Variants in STK3 observed in about 807,000 individuals in gnomAD.
STK3 encodes the protein serine/threonine kinase 3.
In STK3, 41 loss-of-function variants were observed where a neutral mutation model predicts 58.0. That is an observed-to-expected ratio of 0.71 (90% CI 0.55 to 0.92). The LOEUF is 0.92. STK3 is among the 40% of genes least tolerant of loss of function. The pLI is 0.00. For missense variants in STK3, 479 were observed against 602.7 expected (o/e 0.79, Z 2.15); for synonymous variants, 170 against 191.0 (o/e 0.89, Z 0.91).
At chr8:98,838,074 CAAAAAA>C (rs58973724) in intron 3 of STK3, among the ~76,000 whole-genome samples, 17 of 58,774 alleles carry the variant, frequency 2.9e-4, no homozygotes, top group Non-Finnish European at 4.7e-4. Flanking sequence ...ACTAAAAATA[CAAAAAA>C]AAAAAAAAAA....
rs979509772 is a variant in STK3 at position 98,723,959 on chromosome 8, T to C, written c.352-16648A>G. Among the ~76,000 whole-genome samples the C allele has an allele frequency of 1.2e-4, 19 of 152,304 alleles. No individual in the cohort carries two copies. The East Asian group carries it at 1.9e-3, about 15-fold the overall frequency. On this transcript the variant is annotated intron_variant, in intron 4 of 10. Transcript: ENST00000419617. ...TGATAACAATAACAGCTTGCATTTA[T>C]TGAGTTCTTACTAGTCAGCCACTCC... is the stretch of plus-strand genomic sequence containing the variant.
At chr8:98,747,369 A>T (rs1488190619) in intron 4 of STK3, among the ~76,000 whole-genome samples, 4 of 152,176 alleles carry the variant, frequency 2.6e-5, no homozygotes, top group Admixed American at 1.3e-4. Context: ...AAATTGCCAT[A>T]TTCTTAGGAA....
At chr8:98,458,208 T>C (rs1377669488) in intron 10 of STK3, among the ~76,000 whole-genome samples, 1 of 152,170 alleles carries the variant, frequency 6.6e-6, no homozygotes, top group Non-Finnish European at 1.5e-5. Context: ...TTTCTAATTT[T>C]GTGAAAAATG....
chr8:98,940,823 G>T (rs998016142), intron 1 of STK3, among the ~76,000 whole-genome samples: 2 of 152,320 alleles, frequency 1.3e-5, no homozygotes, highest in Middle Eastern at 3.4e-3. Flanking sequence ...CGAAAAATCC[G>T]TCTCAGAAAC....
upstream of STK3, among the ~76,000 whole-genome samples, chr8:98,389,608 T>C (rs917593154): frequency 6.6e-6 from 1 of 151,958 alleles, no homozygotes; most frequent in Non-Finnish European, 1.5e-5. Context: ...CTGGCTGTCA[T>C]CTCATTCCCT....
At chr8:98,799,068 A>G (rs1833357573) in intron 1 of STK3, among the ~76,000 whole-genome samples, 1 of 152,180 alleles carries the variant, frequency 6.6e-6, no homozygotes. Flanking sequence ...TCTCTTCTTT[A>G]TAAATTACCC....
intron 10 of STK3, chr8:98,526,444 GA>G (rs1350436043): frequency 5.5e-6 from 1 of 181,824 alleles, no homozygotes; most frequent in East Asian, 1.3e-4. Flanking sequence ...TTGCATTATT[GA>G]AAACATCTTT....
At chr8:98,682,715 G>T (rs1166410315) in intron 6 of STK3, among the ~76,000 whole-genome samples, 2 of 151,960 alleles carry the variant, frequency 1.3e-5, no homozygotes, top group African/African-American at 4.8e-5. Context: ...TTATAAGTCA[G>T]GTATGACTTG....
At chr8:98,444,620 A>C (rs948105751) in intron 1 of STK3, among the ~76,000 whole-genome samples, 1 of 151,930 alleles carries the variant, frequency 6.6e-6, no homozygotes, top group African/African-American at 2.4e-5. Flanking sequence ...TTTAAGGGGG[A>C]CTCCCGGGTT....
At chr8:98,556,069 A>G (rs1357155482) in intron 8 of STK3, among the ~76,000 whole-genome samples, 1 of 152,082 alleles carries the variant, frequency 6.6e-6, no homozygotes, top group East Asian at 1.9e-4. Flanking sequence ...AGGAGATGAC[A>G]AGTCTTACCT....
intron 6 of STK3, among the ~76,000 whole-genome samples, chr8:98,702,203 C>T (rs905677225): frequency 2.6e-5 from 4 of 152,132 alleles, no homozygotes; most frequent in Non-Finnish European, 5.9e-5. Flanking sequence ...AAAATTTCTC[C>T]TTGAACATCT....
intron 1 of STK3, among the ~76,000 whole-genome samples, chr8:98,809,108 G>A (rs1216523105): frequency 6.6e-6 from 1 of 152,180 alleles, no homozygotes; most frequent in Non-Finnish European, 1.5e-5. Context: ...ATAAGCTCCT[G>A]CACTGGGGAC....
intron 7 of STK3, among the ~76,000 whole-genome samples, chr8:98,583,625 T>C (rs1814137724): frequency 2.0e-5 from 3 of 152,166 alleles, no homozygotes; most frequent in Non-Finnish European, 4.4e-5. Context: ...AACAGTTACA[T>C]GGTAATGAAA....
intron 1 of STK3, among the ~76,000 whole-genome samples, chr8:98,892,854 G>A (rs1005808322): frequency 6.6e-6 from 1 of 152,156 alleles, no homozygotes; most frequent in Non-Finnish European, 1.5e-5. Context: ...ATGAACAAGT[G>A]AATCAGTAAA....
intron 10 of STK3, among the ~76,000 whole-genome samples, chr8:98,499,405 T>C: frequency 6.6e-6 from 1 of 152,130 alleles, no homozygotes; most frequent in Admixed American, 6.6e-5. Flanking sequence ...AGCCTGGAAG[T>C]GGGGTGGTAC....
intron 4 of STK3, among the ~76,000 whole-genome samples, chr8:98,708,679 A>C (rs949781669): frequency 1.3e-5 from 2 of 152,180 alleles, no homozygotes; most frequent in Non-Finnish European, 2.9e-5. Context: ...TTCTTAAAAC[A>C]ACCTTGTAAG....
downstream of STK3, among the ~76,000 whole-genome samples, chr8:98,450,203 G>A (rs992677977): frequency 1.2e-4 from 19 of 152,162 alleles, no homozygotes; most frequent in Admixed American, 2.0e-4. Flanking sequence ...AGGCCCTTAC[G>A]AGAAGGCCTA....
At chr8:98,870,199 A>G (rs1837318208) in intron 3 of STK3, among the ~76,000 whole-genome samples, 1 of 152,200 alleles carries the variant, frequency 6.6e-6, no homozygotes, top group Non-Finnish European at 1.5e-5. Flanking sequence ...GCTGCATAGT[A>G]TTCCATGGTG....
chr8:98,750,713 A>G (rs1212032531), intron 3 of STK3, among the ~76,000 whole-genome samples: 1 of 152,182 alleles, frequency 6.6e-6, no homozygotes, highest in Non-Finnish European at 1.5e-5. Flanking sequence ...AACTATTTCA[A>G]AAAATTGAGG....
Sources: allele counts gnomAD v4.1 joint callset (sites outside exome capture counted in the v4.1 genomes callset), GRCh38; gene constraint gnomAD v4.1.1; transcripts MANE v1.5; gene names NCBI Gene and HGNC (gene_info 2026-07-23, HGNC 2026-07-21).